Variants in NECAP1 observed in about 807,000 individuals in gnomAD.
The protein encoded by NECAP1 is adaptin ear-binding coat-associated protein 1.
In NECAP1, 13 loss-of-function variants were observed where a neutral mutation model predicts 33.4. The ratio of observed to expected loss-of-function variants is 0.39; its 90% CI spans 0.25 to 0.62. The LOEUF (loss-of-function observed/expected upper bound fraction) is 0.62, where lower values mean the gene tolerates loss of function less well. NECAP1 is among the 20% of genes least tolerant of loss of function. NECAP1 has a pLI of 0.52. For synonymous variants in NECAP1, 109 were observed against 125.2 expected (o/e 0.87, Z 0.86); for missense variants, 272 against 347.4 (o/e 0.78, Z 1.73).
At chr12:8,095,892 G>A (rs1437894993) in intron 7 of NECAP1, 150 bp from the exon 8 acceptor site, 2 of 1,145,720 alleles carry the variant, frequency 1.7e-6, no homozygotes, top group South Asian at 1.4e-5. Context: ...TGAGGTTTGA[G>A]TGGGATATTT....
At position 8,082,331 on chromosome 12, in the gene NECAP1, C is replaced by G. The variant is rs1467285778; in HGVS notation, c.43C>G (p.Pro15Ala). ...GTACGAGTCTGTGCTGTGTGTGAAG[C>G]CAGACGTCAGCGTCTACCGGATTCC... is the stretch of plus-strand genomic sequence containing the variant. ...LEYESVLCVK[P>A]DVSVYRIPPR... The change falls in exon 1 of 8, where the codon CCA becomes GCA. Residue 15 changes from proline (P) to alanine (A), a missense_variant. Pro to Ala is a conservative substitution (Grantham distance 27, BLOSUM62 -1). Coordinates refer to ENST00000339754, the MANE Select transcript of NECAP1 (RefSeq NM_015509.4). 1 of 1,613,594 alleles carries G rather than the reference C, an allele frequency of 6.2e-7. No individual in the cohort carries two copies. The highest frequency in any genetic ancestry group is 1.7e-5 in the Admixed American group (1 of 60,010).
At chr12:8,090,379 AT>A in intron 3 of NECAP1, 80 bp downstream of exon 3, 1 of 1,249,178 alleles carries the variant, frequency 8.0e-7, no homozygotes, top group Non-Finnish European at 1.2e-6. Flanking sequence ...TTCCGATTGC[AT>A]TTATCTTTCT....
intron 1 of NECAP1, among the ~76,000 whole-genome samples, chr12:8,083,729 GTTT>G (rs71042329): frequency 3.3e-5 from 3 of 91,186 alleles, no homozygotes; most frequent in African/African-American, 4.1e-5. Flanking sequence ...CCCAGCCGTC[GTTT>G]TTTTTTTTTT....
intron 1 of NECAP1, among the ~76,000 whole-genome samples, chr12:8,088,257 C>T (rs898721663): frequency 6.6e-6 from 1 of 152,170 alleles, no homozygotes; most frequent in Non-Finnish European, 1.5e-5. Context: ...TGAAAATCTA[C>T]TAGACATCTC....
Position 8,097,807 on chromosome 12 carries a change from T to G in NECAP1, c.*1717T>G, listed in dbSNP as rs1057125138. 3 of 152,642 alleles carry G rather than the reference T, an allele frequency of 2.0e-5. No homozygotes were observed. Among genetic ancestry groups the G allele is most frequent in the African/African-American group, 7.2e-5 (3 of 41,456 alleles). 9.5% of individuals were successfully genotyped at this position (152,642 alleles called of 1,614,324 possible). ...CTTTTAATTTGCTTATTTGATTACC[T>G]TTTAAATTTAATTGACCAAATATAA... On this transcript the variant is annotated 3_prime_UTR_variant, in exon 8 of 8. Coordinates refer to ENST00000339754, the MANE Select transcript of NECAP1 (RefSeq NM_015509.4).
chr12:8,091,542 C>A lies in NECAP1; in HGVS notation c.302-227C>A, dbSNP rs776054016. On this transcript the variant is annotated intron_variant, in intron 3 of 7. Transcript: ENST00000339754. ...TGTGCAGTTCACAGTAGGGTTCACACCCCTCTGAGAATCTAATGCTGCCAC... is the reference window on the plus strand; with the variant it reads ...TGTGCAGTTCACAGTAGGGTTCACAACCCTCTGAGAATCTAATGCTGCCAC... 9.1e-6 allele frequency: 5 copies of A among 547,850 alleles called. No individual in the cohort carries two copies. The East Asian group carries it at 9.6e-5, about 11-fold the overall frequency. The allele number at this position is 547,850 out of a possible 1,614,324, so 33.9% of individuals were successfully genotyped here.
chr12:8,093,331 C>G, intron 6 of NECAP1: 1 of 402,980 alleles, frequency 2.5e-6, no homozygotes, highest in African/African-American at 2.1e-5. Context: ...GTCAGATGGA[C>G]CAAGATTTTG....
At position 8,089,735 on chromosome 12, in the gene NECAP1, C is replaced by T. The variant is rs970240867; in HGVS notation, c.96-201C>T. 8 of 539,876 alleles carry T rather than the reference C, an allele frequency of 1.5e-5. No individual in the cohort carries two copies. In the African/African-American group the frequency reaches 1.5e-4, roughly 10 times the overall value. The allele number at this position is 539,876 out of a possible 1,614,324, so 33.4% of individuals were successfully genotyped here. On this transcript the variant is annotated intron_variant, in intron 1 of 7. Transcript: ENST00000339754. ...GATGCTTATTGGACTCCAAAGTCCT[C>T]AAGTAGTAGCATTGTCTTTTACTTG... is the stretch of plus-strand genomic sequence containing the variant.
At chr12:8,084,767 C>G (rs1389988241) in intron 1 of NECAP1, among the ~76,000 whole-genome samples, 2 of 152,152 alleles carry the variant, frequency 1.3e-5, no homozygotes, top group East Asian at 3.9e-4. Context: ...TTTCTCCAGG[C>G]TAGACTGTGA....
chr12:8,093,833 C>T (rs763395234), intron 6 of NECAP1: 1 of 152,208 alleles, frequency 6.6e-6, no homozygotes, highest in Admixed American at 6.5e-5. Context: ...CCTAGCATAG[C>T]ACTTGGAACA....
intron 1 of NECAP1, chr12:8,082,791 C>T: frequency 1.1e-5 from 1 of 92,836 alleles, no homozygotes; most frequent in Admixed American, 9.3e-5. Context: ...CACACACACA[C>T]ACACACACAC....
chr12:8,088,319 C>G (rs1947510716), intron 1 of NECAP1, among the ~76,000 whole-genome samples: 1 of 152,100 alleles, frequency 6.6e-6, no homozygotes, highest in African/African-American at 2.4e-5. Flanking sequence ...TAGATGTGTT[C>G]CTTCTCATCT....
chr12:8,083,412 T>G (rs893464499), intron 1 of NECAP1, among the ~76,000 whole-genome samples: 1 of 147,154 alleles, frequency 6.8e-6, no homozygotes, highest in Non-Finnish European at 1.5e-5. Flanking sequence ...CAAATACTAT[T>G]TGTTTGTTCT....
rs2120447952 is a variant in NECAP1, at chr12:8,082,336, C to T, written c.48C>T (p.Asp16=). The T allele has an allele frequency of 6.2e-7, 1 of 1,613,780 alleles. No individual in the cohort carries two copies. ...EYESVLCVKP[D]VSVYRIPPRA... ...AGTCTGTGCTGTGTGTGAAGCCAGA[C>T]GTCAGCGTCTACCGGATTCCGCCCC... The change falls in exon 1 of 8, where the codon GAC becomes GAT. Residue 16 remains aspartate (D), a synonymous_variant. Transcript: ENST00000339754.
At chr12:8,090,473 G>A in intron 3 of NECAP1, 174 bp downstream of exon 3, 1 of 590,312 alleles carries the variant, frequency 1.7e-6, no homozygotes, top group Non-Finnish European at 3.0e-6. Context: ...ATTTGTAATA[G>A]ATAAGCACGA....
chr12:8,091,440 A>T, intron 3 of NECAP1: 1 of 312,548 alleles, frequency 3.2e-6, no homozygotes, highest in Non-Finnish European at 6.0e-6. Flanking sequence ...CTGCAACTAG[A>T]CGGGGGTGAT....
chr12:8,082,720 C>G (rs1486502733), intron 1 of NECAP1: 1 of 288,884 alleles, frequency 3.5e-6, no homozygotes, highest in Non-Finnish European at 6.8e-6. Context: ...CTTTCATTCG[C>G]TCTTCCCTGC....
At chr12:8,093,191 C>G (rs763448766) in intron 6 of NECAP1, 136 bp downstream of exon 6, 3 of 843,982 alleles carry the variant, frequency 3.6e-6, no homozygotes, top group Non-Finnish European at 3.6e-6. Flanking sequence ...CAGCTTCTAG[C>G]AAGGAATCAA....
intron 6 of NECAP1, chr12:8,093,865 T>G (rs1454016053): frequency 6.6e-6 from 1 of 152,240 alleles, no homozygotes; most frequent in East Asian, 1.9e-4. Context: ...TAGTAAATGT[T>G]ATTAAACTTT....
Sources: gnomAD v4.1 joint callset for allele counts (sites outside exome capture counted in the v4.1 genomes callset) on GRCh38, gnomAD v4.1.1 for gene constraint, MANE v1.5 for transcripts, NCBI Gene and HGNC (gene_info 2026-07-23, HGNC 2026-07-21) for gene names.